BMP7: variants seen among roughly 807,000 people sequenced by gnomAD.
The protein encoded by BMP7 is bone morphogenetic protein 7.
Under a neutral mutation model 41.2 loss-of-function variants are expected in BMP7, and 12 were observed. The ratio of observed to expected loss-of-function variants is 0.29; its 90% CI spans 0.19 to 0.47. The LOEUF is 0.47. BMP7 is among the 20% of genes least tolerant of loss of function. BMP7 has a pLI of 0.99. For synonymous variants in BMP7, 248 were observed against 250.0 expected, an observed-to-expected ratio of 0.99 and a Z score of 0.07; for missense variants, 467 against 606.0, an observed-to-expected ratio of 0.77 and a Z score of 2.41.
intron 1 of BMP7, among the ~76,000 whole-genome samples, chr20:57,258,661 A>C (rs1456756745): frequency 6.6e-6 from 1 of 152,200 alleles, no homozygotes; most frequent in East Asian, 1.9e-4. Context: ...AGATGCTAAA[A>C]TTGGGGAAAA....
chr20:57,171,106 G>A lies in BMP7; in HGVS notation c.1149C>T (p.Val383=). The A allele has an allele frequency of 6.2e-7, 1 of 1,614,208 alleles. No individual in the cohort carries two copies. The highest frequency in any genetic ancestry group is 8.5e-7 in the Non-Finnish European group (1 of 1,180,036). The change falls in exon 7 of 7, where the codon GTC becomes GTT. Residue 383 remains valine (V), a splice_region_variant and synonymous_variant. Coordinates refer to ENST00000395863, the MANE Select transcript of BMP7 (RefSeq NM_001719.3). The surrounding 1 kb of genome is among the most constrained non-coding windows in gnomAD (Gnocchi z 4.5). The part of the protein sequence containing the change: ...ATNHAIVQTL[V]HFINPETVPK... ...GCACCGTTTCCGGGTTGATGAAGTGGACCTGAAACACACACCAAAACATGG... is the reference window on the plus strand; with the variant it reads ...GCACCGTTTCCGGGTTGATGAAGTGAACCTGAAACACACACCAAAACATGG...
At chr20:57,185,418 A>G (rs895855459) in intron 3 of BMP7, among the ~76,000 whole-genome samples, 32 of 152,204 alleles carry the variant, frequency 2.1e-4, no homozygotes, top group African/African-American at 7.5e-4. Context: ...GGATTATAAA[A>G]GGTGTGAGAA....
intron 1 of BMP7, among the ~76,000 whole-genome samples, chr20:57,263,404 T>A (rs563514204): frequency 6.6e-6 from 1 of 152,222 alleles, no homozygotes; most frequent in African/African-American, 2.4e-5. Context: ...CCTGCCGCCA[T>A]GGGGGGAGCA....
intron 2 of BMP7, among the ~76,000 whole-genome samples, chr20:57,212,194 C>T (rs1600625893): frequency 6.6e-6 from 1 of 152,248 alleles, no homozygotes; most frequent in African/African-American, 2.4e-5. Context: ...TGAGGGTGTG[C>T]GGGGAGGACG....
intron 1 of BMP7, among the ~76,000 whole-genome samples, chr20:57,246,152 T>C (rs947499954): frequency 1.3e-5 from 2 of 152,218 alleles, no homozygotes; most frequent in African/African-American, 4.8e-5. Flanking sequence ...TTCTGTGCTG[T>C]TCTGCACACG....
chr20:57,248,716 G>T (rs902527055), intron 1 of BMP7, among the ~76,000 whole-genome samples: 2 of 152,220 alleles, frequency 1.3e-5, no homozygotes, highest in Non-Finnish European at 2.9e-5. Context: ...GGGAGATAAT[G>T]ACATGTTTTT....
intron 1 of BMP7, among the ~76,000 whole-genome samples, chr20:57,245,204 T>A (rs2066084998): frequency 6.6e-6 from 1 of 152,208 alleles, no homozygotes; most frequent in Non-Finnish European, 1.5e-5. Context: ...TCATTTCAAG[T>A]TCACATTGTA....
intron 4 of BMP7, among the ~76,000 whole-genome samples, chr20:57,176,741 A>G (rs1983930081): frequency 9.6e-6 from 1 of 104,414 alleles, no homozygotes; most frequent in African/African-American, 3.5e-5. Context: ...AACTACGCAC[A>G]TTCTCCATTC....
Position 57,175,380 on chromosome 20 carries a change from G to T in BMP7, c.959-373C>A, listed in dbSNP as rs76064436. ...TCCACCTCACACAAGGCCACTGCAG[G>T]CACCCTGCTCAAAGAGATCTGCTTA... On this transcript the variant is annotated intron_variant, in intron 4 of 6. Coordinates refer to ENST00000395863, the MANE Select transcript of BMP7 (RefSeq NM_001719.3). 1.4e-3 allele frequency among the ~76,000 whole-genome samples: 220 copies of T among 152,260 alleles called. 1 individual carries two copies. In the East Asian group the frequency reaches 0.04, roughly 27 times the overall value.
intron 2 of BMP7, among the ~76,000 whole-genome samples, chr20:57,206,704 A>G (rs372874051): frequency 1.3e-4 from 20 of 152,198 alleles, no homozygotes; most frequent in African/African-American, 4.6e-4. Flanking sequence ...CATCTTCTTC[A>G]ATGATTAGGA....
At chr20:57,223,187 G>C (rs1985230834) in intron 2 of BMP7, among the ~76,000 whole-genome samples, 1 of 150,328 alleles carries the variant, frequency 6.7e-6, no homozygotes, top group African/African-American at 2.5e-5. Flanking sequence ...CTGGGATCGT[G>C]CCACTGCACT....
chr20:57,196,026 G>A (rs568407731), intron 3 of BMP7, among the ~76,000 whole-genome samples: 5 of 152,258 alleles, frequency 3.3e-5, no homozygotes, highest in East Asian at 1.9e-4. Flanking sequence ...AGGGCTCCCC[G>A]ATCATCTTCT....
intron 1 of BMP7, among the ~76,000 whole-genome samples, chr20:57,249,328 T>G (rs1034650181): frequency 6.6e-6 from 1 of 151,972 alleles, no homozygotes; most frequent in African/African-American, 2.4e-5. Flanking sequence ...GGTCCTACAC[T>G]CAAGCAGATT....
intron 1 of BMP7, among the ~76,000 whole-genome samples, chr20:57,236,837 G>A (rs2066049670): frequency 6.6e-6 from 1 of 152,070 alleles, no homozygotes; most frequent in Non-Finnish European, 1.5e-5. Context: ...CCATGAAAAG[G>A]GGAACCGTCA....
chr20:57,245,952 A>C (rs1262559675), intron 1 of BMP7, among the ~76,000 whole-genome samples: 1 of 152,200 alleles, frequency 6.6e-6, no homozygotes, highest in Non-Finnish European at 1.5e-5. Flanking sequence ...TTAGTGATTT[A>C]ACAGTATTAT....
At chr20:57,254,017 CTT>C (rs35180643) in intron 1 of BMP7, among the ~76,000 whole-genome samples, 20 of 71,530 alleles carry the variant, frequency 2.8e-4, no homozygotes, top group Admixed American at 4.4e-4. Context: ...GGTTTCTTTC[CTT>C]TTTTTTTTTT....
At chr20:57,264,408 C>G (rs1202049478) in intron 1 of BMP7, among the ~76,000 whole-genome samples, 1 of 152,270 alleles carries the variant, frequency 6.6e-6, no homozygotes, top group African/African-American at 2.4e-5. Flanking sequence ...GGAAACAGCG[C>G]TATCGGGGTG....
Position 57,266,119 on chromosome 20 carries a change from G to A in BMP7, c.4C>T (p.His2Tyr). Residue 2 changes from histidine to tyrosine, a missense_variant, in exon 1 of 7, where the codon CAC becomes TAC. This residue lies in a region of BMP7 where 407 missense variants were observed against 485.9 expected (regional missense o/e 0.84). Transcript: ENST00000395863. ...GCCGCAGCTCGCAGTGAGCGCACGT[G>A]CATCGCGCCGGCTCTACGCGCTACC... M[H>Y]VRSLRAAAPH... is the part of the protein sequence containing the mutation. 1 of 1,531,580 alleles carries A rather than the reference G, an allele frequency of 6.5e-7. No individual in the cohort carries two copies. The highest frequency in any genetic ancestry group is 8.7e-7 in the Non-Finnish European group (1 of 1,144,404). The allele number at this position is 1,531,580 out of a possible 1,614,324, so 94.9% of individuals were successfully genotyped here.
intron 1 of BMP7, among the ~76,000 whole-genome samples, chr20:57,264,046 T>C (rs959699895): frequency 1.3e-5 from 2 of 152,262 alleles, no homozygotes; most frequent in Non-Finnish European, 2.9e-5. Flanking sequence ...AGGTCATATG[T>C]TGCTGCTTCC....
Sources: gnomAD v4.1 joint callset for allele counts (sites outside exome capture counted in the v4.1 genomes callset) on GRCh38, gnomAD v4.1.1 for gene constraint, gnomAD v4.1.1 regional missense constraint, Gnocchi (gnomAD v3.1) non-coding constraint, MANE v1.5 for transcripts, NCBI Gene and HGNC (gene_info 2026-07-23, HGNC 2026-07-21) for gene names.